The following ST8SIA3 variants were observed in gnomAD, a reference collection of about 807,000 sequenced individuals.
ST8SIA3 encodes the protein alpha-N-acetylneuraminate alpha-2,8-sialyltransferase ST8SIA3.
Under a neutral mutation model 34.5 loss-of-function variants are expected in ST8SIA3, and 17 were observed. That is an observed-to-expected ratio of 0.49 (90% CI 0.34 to 0.74). The LOEUF (loss-of-function observed/expected upper bound fraction) is 0.74, where lower values mean the gene tolerates loss of function less well. ST8SIA3 is among the 30% of genes least tolerant of loss of function. The pLI, the probability that ST8SIA3 is intolerant of heterozygous loss-of-function variation, is 0.01. For missense variants in ST8SIA3, 354 were observed against 467.8 expected (o/e 0.76, Z 2.24); for synonymous variants, 172 against 176.1 (o/e 0.98, Z 0.19).
rs1431067626 is a variant in ST8SIA3, at chr18:57,364,824, G to A, written c.*4547G>A. Reference sequence around the variant, plus strand: ...AGCATTTGAAATGGGAAACACTTTAGAATGTCATTATTGTATTATATATTG... The same window carrying A: ...AGCATTTGAAATGGGAAACACTTTAAAATGTCATTATTGTATTATATATTG... On this transcript the variant is annotated 3_prime_UTR_variant, in exon 4 of 4. Transcript: ENST00000324000. The A allele has an allele frequency of 6.6e-6, 1 of 152,608 alleles. No homozygotes were observed. Among genetic ancestry groups the A allele is most frequent in the Non-Finnish European group, 1.5e-5 (1 of 68,038 alleles). The allele number at this position is 152,608 out of a possible 1,614,324, so 9.5% of individuals were successfully genotyped here. A position where few individuals can be genotyped will look rare whatever the true frequency, so the allele number is the denominator to read the frequency against.
chr18:57,359,492 G>T (rs1032109176), intron 3 of ST8SIA3, among the ~76,000 whole-genome samples: 1 of 152,156 alleles, frequency 6.6e-6, no homozygotes, highest in African/African-American at 2.4e-5. Context: ...TTTATTTCTA[G>T]GTTTGAGAAA....
In ST8SIA3 at chr18:57,361,319, G is replaced by C. The variant is rs775452467; in HGVS notation, c.*1042G>C. 1 of 152,278 alleles carries C rather than the reference G, an allele frequency of 6.6e-6. No homozygotes were observed. The highest frequency in any genetic ancestry group is 1.5e-5 in the Non-Finnish European group (1 of 68,090). The allele number at this position is 152,278 out of a possible 1,614,324, so 9.4% of individuals were successfully genotyped here. On this transcript the variant is annotated 3_prime_UTR_variant, in exon 4 of 4. Coordinates refer to ENST00000324000, the MANE Select transcript of ST8SIA3 (RefSeq NM_015879.3). The stretch of plus-strand genomic sequence containing the variant: ...TATGGAATCCTGTGTACCCTAAAGT[G>C]TGGTAACCATGTTACCCATTCCAGC...
rs1216199277 is a variant in ST8SIA3, at chr18:57,352,632, C to A, written c.-215C>A. On this transcript the variant is annotated 5_prime_UTR_variant, in exon 1 of 4. Coordinates refer to ENST00000324000, the MANE Select transcript of ST8SIA3 (RefSeq NM_015879.3). ...CCCCGCGCGCCCCTGCCTACGGGGT[C>A]CCGCTGCTCTCCGGGGCTCCTGCCA... 2 of 569,798 alleles carry A rather than the reference C, an allele frequency of 3.5e-6. No homozygotes were observed. Among genetic ancestry groups the A allele is most frequent in the Admixed American group, 2.4e-5 (1 of 42,142 alleles). The allele number at this position is 569,798 out of a possible 1,614,324, so 35.3% of individuals were successfully genotyped here. A position where few individuals can be genotyped will look rare whatever the true frequency, so the allele number is the denominator to read the frequency against.
At chr18:57,353,760 C>A (rs1259110593) in intron 1 of ST8SIA3, among the ~76,000 whole-genome samples, 3 of 152,202 alleles carry the variant, frequency 2.0e-5, no homozygotes, top group Admixed American at 6.5e-5. Flanking sequence ...CGCTCTGTGA[C>A]CCCGGGAACT....
rs1201250222 is a variant in ST8SIA3 at position 57,357,120 on chromosome 18, C to T, written c.510C>T (p.Ile170=). The T allele has an allele frequency of 6.2e-7, 1 of 1,613,976 alleles. No individual in the cohort carries two copies. Among genetic ancestry groups the T allele is most frequent in the East Asian group, 2.2e-5 (1 of 44,888 alleles). ...GTGCTGTGGTTGGAAATAGTGGGAT[C>T]CTGACAGGGAGCCAGTGTGGACAAG... The part of the protein sequence containing the change: ...NICAVVGNSG[I]LTGSQCGQEI... Residue 170 remains isoleucine (I), a synonymous_variant, in exon 3 of 4, where the codon ATC becomes ATT. Coordinates refer to ENST00000324000, the MANE Select transcript of ST8SIA3 (RefSeq NM_015879.3).
chr18:57,359,471 C>T (rs1005206084), intron 3 of ST8SIA3, among the ~76,000 whole-genome samples: 5 of 152,108 alleles, frequency 3.3e-5, no homozygotes, highest in African/African-American at 4.8e-5. Context: ...TTCTAAACCC[C>T]GAATGAAGGG....
chr18:57,357,864 G>T (rs1470214396), intron 3 of ST8SIA3, among the ~76,000 whole-genome samples: 2 of 152,150 alleles, frequency 1.3e-5, no homozygotes, highest in Non-Finnish European at 1.5e-5. Flanking sequence ...TTTTAGAAAC[G>T]ATGCAGTTGA....
At chr18:57,356,854 A>G (rs560489649) in intron 2 of ST8SIA3, 59 bp from the exon 3 acceptor site, 10 of 1,115,406 alleles carry the variant, frequency 9.0e-6, no homozygotes, top group Admixed American at 2.3e-5. Flanking sequence ...CATAAGTCAT[A>G]AGATGGAAAA....
chr18:57,359,755 C>T (rs567110627), intron 3 of ST8SIA3, among the ~76,000 whole-genome samples: 2 of 152,186 alleles, frequency 1.3e-5, no homozygotes, highest in South Asian at 4.1e-4. Context: ...TTTGCTCTTG[C>T]ACTCGAAATT....
At position 57,364,914 on chromosome 18, in the gene ST8SIA3, A is replaced by G. The variant is rs758224916; in HGVS notation, c.*4637A>G. 2.6e-5 allele frequency: 4 copies of G among 152,342 alleles called. No individual in the cohort carries two copies. Among genetic ancestry groups the G allele is most frequent in the Non-Finnish European group, 5.9e-5 (4 of 68,044 alleles). The allele number at this position is 152,342 out of a possible 1,614,324, so 9.4% of individuals were successfully genotyped here. On this transcript the variant is annotated 3_prime_UTR_variant, in exon 4 of 4. Coordinates refer to ENST00000324000, the MANE Select transcript of ST8SIA3 (RefSeq NM_015879.3). ...GATGACTGATTGAAGACATATGTGT[A>G]TGAATAGATGTTCCTCAGTGAAGCC...
In ST8SIA3 at chr18:57,364,565, C is replaced by T. The variant is rs2049849772; in HGVS notation, c.*4288C>T. On this transcript the variant is annotated 3_prime_UTR_variant, in exon 4 of 4. Coordinates refer to ENST00000324000, the MANE Select transcript of ST8SIA3 (RefSeq NM_015879.3). The stretch of plus-strand genomic sequence containing the variant: ...GCACAAGTTTCTGTTTAAGCCTCTG[C>T]TTCTCCCTGAATGTGTAGAACTGTC... 6.6e-6 allele frequency: 1 copy of T among 152,238 alleles called. No homozygotes were observed. The highest frequency in any genetic ancestry group is 6.5e-5 in the Admixed American group (1 of 15,288). 9.4% of individuals were successfully genotyped at this position (152,238 alleles called of 1,614,324 possible).
At chr18:57,355,875 G>C (rs541063092) in intron 2 of ST8SIA3, among the ~76,000 whole-genome samples, 11 of 152,112 alleles carry the variant, frequency 7.2e-5, no homozygotes, top group Non-Finnish European at 1.6e-4. Context: ...TGTAAGAGTG[G>C]TACTGGTAAC....
rs2049860667 is a variant in ST8SIA3, at chr18:57,366,390, G to A, written c.*6113G>A. 6.6e-6 allele frequency: 1 copy of A among 152,476 alleles called. No homozygotes were observed. The highest frequency in any genetic ancestry group is 1.5e-5 in the Non-Finnish European group (1 of 68,014). The allele number at this position is 152,476 out of a possible 1,614,324, so 9.4% of individuals were successfully genotyped here. A position where few individuals can be genotyped will look rare whatever the true frequency, so the allele number is the denominator to read the frequency against. ...AACTGTGGCTTTTCTAATTTCTAAG[G>A]GTGACCCTCCAGGAAAACATTCTTT... On this transcript the variant is annotated 3_prime_UTR_variant, in exon 4 of 4. Transcript: ENST00000324000.
rs2049870621 is a variant in ST8SIA3 at position 57,368,089 on chromosome 18, T to C, written c.*7812T>C. 1 of 152,204 alleles carries C rather than the reference T, an allele frequency of 6.6e-6. No individual in the cohort carries two copies. Among genetic ancestry groups the C allele is most frequent in the Non-Finnish European group, 1.5e-5 (1 of 68,028 alleles). The allele number at this position is 152,204 out of a possible 1,614,324, so 9.4% of individuals were successfully genotyped here. The stretch of plus-strand genomic sequence containing the variant: ...AGGTTCAGAAAGTTGGAGTGACTTA[T>C]TTGCCCAGCTAGCTAACTGGAATTA... On this transcript the variant is annotated 3_prime_UTR_variant, in exon 4 of 4. Transcript: ENST00000324000.
intron 2 of ST8SIA3, among the ~76,000 whole-genome samples, chr18:57,355,046 C>G (rs2049791167): frequency 6.6e-6 from 1 of 152,150 alleles, no homozygotes; most frequent in African/African-American, 2.4e-5. Flanking sequence ...AGATATTTAA[C>G]TATGGTTTTG....
chr18:57,352,922 T>A lies in ST8SIA3; in HGVS notation c.76T>A (p.Ser26Thr), dbSNP rs2049773187. 6.2e-7 allele frequency: 1 copy of A among 1,613,652 alleles called. No homozygotes were observed. The highest frequency in any genetic ancestry group is 1.3e-5 in the African/African-American group (1 of 74,838). ...VMLSVALLIL[S>T]LISYVSLKKE... ...GCTCAGCGTCGCCCTGCTGATTTTA[T>A]CGCTCATCAGCTACGTGTCCCTGAA... Residue 26 changes from serine to threonine, a missense_variant, in exon 1 of 4, where the codon TCG becomes ACG. Physicochemically the swap from Ser to Thr is moderately conservative, Grantham distance 58. Transcript: ENST00000324000.
intron 1 of ST8SIA3, 66 bp downstream of exon 1, chr18:57,353,091 G>C: frequency 6.4e-7 from 1 of 1,553,796 alleles, no homozygotes; most frequent in Non-Finnish European, 8.7e-7. Flanking sequence ...GGGAAGGGAA[G>C]GCGTGGGGGA....
intron 1 of ST8SIA3, among the ~76,000 whole-genome samples, 157 bp downstream of exon 1, chr18:57,353,182 C>G (rs1233391374): frequency 6.6e-6 from 1 of 152,044 alleles, no homozygotes; most frequent in Non-Finnish European, 1.5e-5. Flanking sequence ...TCTCCCTTCC[C>G]CCTCCCTGTT....
In ST8SIA3 at chr18:57,357,061, GTGTC is replaced by G. The variant is rs1327533056; in HGVS notation, c.452_455del (p.Val151AspfsTer4). On this transcript the variant is annotated frameshift_variant, in exon 3 of 4. Coordinates refer to ENST00000324000, the MANE Select transcript of ST8SIA3 (RefSeq NM_015879.3). LOFTEE classifies it high-confidence loss of function. ...TAACTTCCGGTCACTTCTTCCAGAT[GTGTC>G]ACCCATTATGAACAAGCATTATAAT... 1 of 1,614,094 alleles carries G rather than the reference GTGTC, an allele frequency of 6.2e-7. No homozygotes were observed. Among genetic ancestry groups the G allele is most frequent in the South Asian group, 1.1e-5 (1 of 91,080 alleles).
Sources: gnomAD v4.1 joint callset for allele counts (sites outside exome capture counted in the v4.1 genomes callset) on GRCh38, gnomAD v4.1.1 for gene constraint, MANE v1.5 for transcripts, NCBI Gene and HGNC (gene_info 2026-07-23, HGNC 2026-07-21) for gene names.